The following FOXK1 variants were observed in gnomAD, a reference collection of about 807,000 sequenced individuals.
The protein encoded by FOXK1 is forkhead box protein K1.
Under a neutral mutation model 51.9 loss-of-function variants are expected in FOXK1, and 19 were observed. The ratio of observed to expected loss-of-function variants is 0.37; its 90% CI spans 0.26 to 0.54. The LOEUF (loss-of-function observed/expected upper bound fraction) is 0.54. Ranked by LOEUF, FOXK1 falls within the 20% of genes least tolerant of loss-of-function variation. FOXK1 has a pLI of 0.87. For missense variants in FOXK1, 870 were observed against 1,032.7 expected (o/e 0.84, Z 2.16); for synonymous variants, 537 against 482.6 (o/e 1.11, Z -1.48).
At chr7:4,687,705 C>T (rs1779839203) in intron 1 of FOXK1, among the ~76,000 whole-genome samples, 2 of 152,200 alleles carry the variant, frequency 1.3e-5, no homozygotes, top group African/African-American at 4.8e-5. Context: ...CATACTTGCT[C>T]TTCCCTCTTT....
chr7:4,712,921 C>T (rs1291505970), intron 1 of FOXK1, among the ~76,000 whole-genome samples: 1 of 152,116 alleles, frequency 6.6e-6, no homozygotes, highest in Non-Finnish European at 1.5e-5. Flanking sequence ...ATTTTTAAAT[C>T]GTGCTCAGAG....
intron 1 of FOXK1, among the ~76,000 whole-genome samples, chr7:4,717,501 T>C (rs970908354): frequency 6.8e-6 from 1 of 146,812 alleles, no homozygotes; most frequent in African/African-American, 2.5e-5. Flanking sequence ...GGGAGGCGTA[T>C]GGCTGGGAGG....
intron 1 of FOXK1, among the ~76,000 whole-genome samples, chr7:4,719,124 T>TTTG: frequency 7.1e-6 from 1 of 140,190 alleles, no homozygotes; most frequent in African/African-American, 2.7e-5. Flanking sequence ...TTTTTTGTTT[T>TTTG]TTTTTTGTTT....
Position 4,747,915 on chromosome 7 carries a change from G to A in FOXK1, c.747-6544G>A, listed in dbSNP as rs188074005. Among the ~76,000 whole-genome samples, 771 of 150,874 alleles carry A rather than the reference G, an allele frequency of 5.1e-3. 5 individuals are homozygous for A. The highest frequency in any genetic ancestry group is 7.9e-3 in the Admixed American group (120 of 15,148). ...GGCCGGAGTGCAGTGGTCCGGTCAC[G>A]GCTCGCTGCAGCCTCGACCTCCGGG... On this transcript the variant is annotated intron_variant, in intron 2 of 8. Transcript: ENST00000328914. This position sits in a 1 kb window ranked among gnomAD's most constrained non-coding sequence, Gnocchi z 9.2.
chr7:4,767,177 GCTC>G lies in FOXK1; in HGVS notation c.*4720_*4722del, dbSNP rs1347942103. On this transcript the variant is annotated 3_prime_UTR_variant, in exon 9 of 9. Transcript: ENST00000328914. This position sits in a 1 kb window ranked among gnomAD's most constrained non-coding sequence, Gnocchi z 6.6. The stretch of plus-strand genomic sequence containing the variant: ...AGAGGACACCCCAAGTCCATCCTGG[GCTC>G]CTCCTCACCCCTCTGAGAAAGCCCC... 1.3e-5 allele frequency: 2 copies of G among 152,206 alleles called. No individual in the cohort carries two copies. The highest frequency in any genetic ancestry group is 2.9e-5 in the Non-Finnish European group (2 of 68,070). The allele number at this position is 152,206 out of a possible 1,614,324, so 9.4% of individuals were successfully genotyped here. A position where few individuals can be genotyped will look rare whatever the true frequency, so the allele number is the denominator to read the frequency against.
chr7:4,760,668 T>G (rs914435547), intron 7 of FOXK1, among the ~76,000 whole-genome samples: 1 of 152,100 alleles, frequency 6.6e-6, no homozygotes, highest in Non-Finnish European at 1.5e-5. Context: ...CTGGCCAACA[T>G]GGTGAAACCC....
rs1369700470 is a variant in FOXK1, at chr7:4,746,902, T to C, written c.746+5879T>C. 3.3e-5 allele frequency among the ~76,000 whole-genome samples: 5 copies of C among 152,096 alleles called. No homozygotes were observed. In the East Asian group the frequency reaches 9.7e-4, roughly 29 times the overall value. On this transcript the variant is annotated intron_variant, in intron 2 of 8. Coordinates refer to ENST00000328914, the MANE Select transcript of FOXK1 (RefSeq NM_001037165.2). ...CTGTCCCTGTAGGCCTTGCTGCCCC[T>C]CCCCACCCCACCACACCCTCTTATG... is the stretch of plus-strand genomic sequence containing the variant.
At position 4,689,806 on chromosome 7, in the gene FOXK1, C is replaced by T. The variant is rs745754622; in HGVS notation, c.560+6938C>T. On this transcript the variant is annotated intron_variant, in intron 1 of 8. Transcript: ENST00000328914. The stretch of plus-strand genomic sequence containing the variant: ...CACTACGTGGCATCAAGGACAGTGA[C>T]GGCATTCCTCTTCTCCTGGGGTTTT... Among the ~76,000 whole-genome samples, 10 of 152,324 alleles carry T rather than the reference C, an allele frequency of 6.6e-5. No individual in the cohort carries two copies. The East Asian group carries it at 9.6e-4, about 15-fold the overall frequency.
chr7:4,731,980 G>A lies in FOXK1; in HGVS notation c.561-8858G>A, dbSNP rs931477847. Among the ~76,000 whole-genome samples the A allele has an allele frequency of 2.0e-5, 3 of 152,214 alleles. No individual in the cohort carries two copies. Among genetic ancestry groups the A allele is most frequent in the Admixed American group, 6.5e-5 (1 of 15,284 alleles). On this transcript the variant is annotated intron_variant, in intron 1 of 8. Coordinates refer to ENST00000328914, the MANE Select transcript of FOXK1 (RefSeq NM_001037165.2). The surrounding 1 kb of genome is among the most constrained non-coding windows in gnomAD (Gnocchi z 5.3). ...GCCGGGCTGGCCAGGGCGGGGCTCA[G>A]ATTCAGTGACTTGCCCAGGTGCCCC...
intron 1 of FOXK1, among the ~76,000 whole-genome samples, chr7:4,721,406 C>T (rs1780308765): frequency 6.6e-6 from 1 of 152,084 alleles, no homozygotes; most frequent in African/African-American, 2.4e-5. Context: ...AGCCTGTTTC[C>T]TGCAGGTGAC....
At chr7:4,752,359 A>G (rs1008944454) in intron 2 of FOXK1, among the ~76,000 whole-genome samples, 3 of 152,192 alleles carry the variant, frequency 2.0e-5, no homozygotes, top group African/African-American at 4.8e-5. Context: ...TGCCCAGGCT[A>G]GTTTCGACCA....
intron 3 of FOXK1, 118 bp downstream of exon 3, chr7:4,754,733 C>G: frequency 7.8e-7 from 1 of 1,285,276 alleles, no homozygotes; most frequent in Non-Finnish European, 1.1e-6. Flanking sequence ...GTGGTCTCAG[C>G]CCACAGGGAA....
chr7:4,754,863 C>T (rs1437629925), intron 3 of FOXK1: 1 of 601,004 alleles, frequency 1.7e-6, no homozygotes, highest in Admixed American at 3.0e-5. Flanking sequence ...TCCCGCCACG[C>T]TCCTTGTTCA....
intron 2 of FOXK1, among the ~76,000 whole-genome samples, chr7:4,746,277 C>G (rs548364151): frequency 3.3e-5 from 5 of 152,184 alleles, no homozygotes; most frequent in Non-Finnish European, 5.9e-5. Context: ...TCAGTCCTAA[C>G]TTGGTTTATG....
chr7:4,732,111 C>T (rs1780485388), intron 1 of FOXK1, among the ~76,000 whole-genome samples: 1 of 152,248 alleles, frequency 6.6e-6, no homozygotes, highest in Non-Finnish European at 1.5e-5. Flanking sequence ...ATTTATCAAG[C>T]TGTTGTAAAC....
Position 4,755,105 on chromosome 7 carries a change from G to A in FOXK1, c.904-132G>A, listed in dbSNP as rs368568952. Reference sequence around the variant, plus strand: ...AAGCACATTAATGGGATAGTTGGAGGGCACTGGGACGGGTGCCGGCAAGAC... The same window carrying A: ...AAGCACATTAATGGGATAGTTGGAGAGCACTGGGACGGGTGCCGGCAAGAC... On this transcript the variant is annotated intron_variant, in intron 3 of 8. Coordinates refer to ENST00000328914, the MANE Select transcript of FOXK1 (RefSeq NM_001037165.2). The surrounding 1 kb of genome is among the most constrained non-coding windows in gnomAD (Gnocchi z 6.6). 10 of 1,109,556 alleles carry A rather than the reference G, an allele frequency of 9.0e-6. No individual in the cohort carries two copies. In the African/African-American group the frequency reaches 9.3e-5, roughly 10 times the overall value. The allele number at this position is 1,109,556 out of a possible 1,614,324, so 68.7% of individuals were successfully genotyped here. A position where few individuals can be genotyped will look rare whatever the true frequency, so the allele number is the denominator to read the frequency against.
chr7:4,720,560 G>A (rs1780295474), intron 1 of FOXK1, among the ~76,000 whole-genome samples: 2 of 152,152 alleles, frequency 1.3e-5, no homozygotes, highest in Admixed American at 6.5e-5. Context: ...AGTGGGGATG[G>A]GCAGCCTGTG....
intron 2 of FOXK1, among the ~76,000 whole-genome samples, chr7:4,744,559 G>A (rs1256565574): frequency 1.3e-5 from 2 of 152,216 alleles, no homozygotes; most frequent in Admixed American, 6.5e-5. Context: ...CAGCTCCATC[G>A]CGTTGCTGCC....
intron 1 of FOXK1, among the ~76,000 whole-genome samples, chr7:4,728,384 G>A (rs560046888): frequency 6.6e-6 from 1 of 152,222 alleles, no homozygotes; most frequent in Non-Finnish European, 1.5e-5. Flanking sequence ...CTGTGCTGCT[G>A]TTGAGCATTA....
Sources: allele counts gnomAD v4.1 joint callset (sites outside exome capture counted in the v4.1 genomes callset), GRCh38; gene constraint gnomAD v4.1.1; non-coding constraint Gnocchi (gnomAD v3.1); transcripts MANE v1.5; gene names NCBI Gene and HGNC (gene_info 2026-07-23, HGNC 2026-07-21).